Variants in PCDHGB1 observed in about 807,000 individuals in gnomAD.
PCDHGB1 encodes the protein protocadherin gamma subfamily B, 1, also known as protocadherin gamma-B1.
In PCDHGB1, 34 loss-of-function variants were observed where a neutral mutation model predicts 56.6. That is an observed-to-expected ratio of 0.60 (90% CI 0.46 to 0.80). The LOEUF (loss-of-function observed/expected upper bound fraction) is 0.80, where lower values mean the gene tolerates loss of function less well. PCDHGB1 is among the 30% of genes least tolerant of loss of function. The pLI, the probability that PCDHGB1 is intolerant of heterozygous loss-of-function variation, is 0.00. For missense variants in PCDHGB1, 1,278 were observed against 1,204.6 expected, an observed-to-expected ratio of 1.06 and a Z score of -0.90; for synonymous variants, 561 against 505.9, an observed-to-expected ratio of 1.11 and a Z score of -1.46.
intron 1 of PCDHGB1, among the ~76,000 whole-genome samples, chr5:141,368,980 A>G (rs907841049): frequency 4.6e-5 from 7 of 152,190 alleles, no homozygotes; most frequent in Non-Finnish European, 7.3e-5. Context: ...CTTTTCCACT[A>G]TAAGGTGAAT....
Position 141,511,253 on chromosome 5 carries a change from A to G in PCDHGB1, c.*80A>G. The G allele has an allele frequency of 1.3e-6, 2 of 1,568,402 alleles. No homozygotes were observed. The highest frequency in any genetic ancestry group is 1.7e-6 in the Non-Finnish European group (2 of 1,157,066). On this transcript the variant is annotated 3_prime_UTR_variant, in exon 4 of 4. Coordinates refer to ENST00000523390, the MANE Select transcript of PCDHGB1 (RefSeq NM_018922.3). ...CTCCTTACCTGCACCCAGGCCTCAG[A>G]GTTTCAGGGCTAACCCCCAGAATAC...
intron 1 of PCDHGB1, chr5:141,392,356 G>A (rs970397239): frequency 6.6e-6 from 1 of 152,614 alleles, no homozygotes; most frequent in Admixed American, 6.5e-5. Flanking sequence ...TTAATCCGAT[G>A]CTACAATCTG....
At chr5:141,414,949 G>C (rs774769957) in intron 1 of PCDHGB1, 13 of 1,613,978 alleles carry the variant, frequency 8.1e-6, no homozygotes, top group African/African-American at 1.3e-5. Context: ...CGGCTACCTG[G>C]TGACCAAGGT....
intron 1 of PCDHGB1, among the ~76,000 whole-genome samples, chr5:141,458,663 G>A (rs1045303205): frequency 2.6e-5 from 4 of 151,804 alleles, no homozygotes; most frequent in Admixed American, 6.6e-5. Context: ...TCCACCTCTC[G>A]GGTTCAAGCA....
intron 1 of PCDHGB1, among the ~76,000 whole-genome samples, chr5:141,425,841 C>T (rs936781561): frequency 2.0e-5 from 3 of 152,190 alleles, no homozygotes; most frequent in African/African-American, 7.2e-5. Context: ...ATTCTCTTTG[C>T]TGGGTTAATG....
intron 1 of PCDHGB1, chr5:141,395,576 G>A: frequency 4.2e-6 from 1 of 237,360 alleles, no homozygotes; most frequent in Non-Finnish European, 8.1e-6. Flanking sequence ...GTGTGTGTGT[G>A]TGTGTGTGTG....
chr5:141,473,362 C>G (rs2099320242), intron 1 of PCDHGB1, among the ~76,000 whole-genome samples: 1 of 152,166 alleles, frequency 6.6e-6, no homozygotes, highest in South Asian at 2.1e-4. Flanking sequence ...AAGTGGCCAC[C>G]AAAATAGCAT....
At chr5:141,392,249 T>C (rs1474806816) in intron 1 of PCDHGB1, 1 of 152,206 alleles carries the variant, frequency 6.6e-6, no homozygotes, top group Non-Finnish European at 1.5e-5. Context: ...TTTGTTAGTA[T>C]ATATTGGAGA....
intron 1 of PCDHGB1, chr5:141,403,625 A>G (rs2094436092): frequency 6.2e-7 from 1 of 1,613,818 alleles, no homozygotes; most frequent in African/African-American, 1.3e-5. Context: ...TCGCTCCAGC[A>G]CAGTGCGCAT....
intron 1 of PCDHGB1, among the ~76,000 whole-genome samples, chr5:141,353,015 T>C (rs1759163268): frequency 2.6e-5 from 4 of 152,166 alleles, no homozygotes; most frequent in Admixed American, 1.3e-4. Context: ...AATTATATAT[T>C]GCATTTTCTT....
intron 2 of PCDHGB1, among the ~76,000 whole-genome samples, chr5:141,501,212 A>G (rs936235563): frequency 1.9e-4 from 29 of 150,770 alleles, no homozygotes; most frequent in Admixed American, 1.8e-3. Flanking sequence ...TGTCAGGGTG[A>G]CTTCCTAGAT....
chr5:141,489,991 A>G lies in PCDHGB1; in HGVS notation c.2410-4816A>G, dbSNP rs1157441385. On this transcript the variant is annotated intron_variant, in intron 1 of 3. Coordinates refer to ENST00000523390, the MANE Select transcript of PCDHGB1 (RefSeq NM_018922.3). The surrounding 1 kb of genome is among the most constrained non-coding windows in gnomAD (Gnocchi z 4.5). Reference sequence around the variant, plus strand: ...CCAATCCTCAGTTCTACGTGTGGGAATCCCAGAGAATGCACCCATTGGTAC... The same window carrying G: ...CCAATCCTCAGTTCTACGTGTGGGAGTCCCAGAGAATGCACCCATTGGTAC... The G allele has an allele frequency of 6.2e-7, 1 of 1,614,228 alleles. No individual in the cohort carries two copies. Among genetic ancestry groups the G allele is most frequent in the South Asian group, 1.1e-5 (1 of 91,090 alleles).
chr5:141,371,779 C>T (rs1376819850), intron 1 of PCDHGB1: 2 of 1,614,012 alleles, frequency 1.2e-6, no homozygotes, highest in Non-Finnish European at 1.7e-6. Context: ...GTGCATGTAG[C>T]TGAGAACAAT....
intron 1 of PCDHGB1, chr5:141,365,192 A>C: frequency 6.2e-7 from 1 of 1,613,930 alleles, no homozygotes; most frequent in South Asian, 1.1e-5. Context: ...AGAAGAAAAA[A>C]TTTCGGAGAC....
At position 141,408,231 on chromosome 5, in the gene PCDHGB1, G is replaced by C. The variant is rs775180708; in HGVS notation, c.2409+55562G>C. 1.0e-5 allele frequency: 16 copies of C among 1,567,976 alleles called. No individual in the cohort carries two copies. The highest frequency in any genetic ancestry group is 1.2e-5 in the Non-Finnish European group (14 of 1,156,162). ...GGAGGGAGCTGCGCGCAGAGGCGCC[G>C]GGCCGGCCCGCGGCAGGTGCTATTT... is the stretch of plus-strand genomic sequence containing the variant. On this transcript the variant is annotated intron_variant, in intron 1 of 3. Transcript: ENST00000523390.
At chr5:141,470,236 T>C (rs1232874196) in intron 1 of PCDHGB1, among the ~76,000 whole-genome samples, 1 of 152,210 alleles carries the variant, frequency 6.6e-6, no homozygotes, top group African/African-American at 2.4e-5. Context: ...ACCAAACCCT[T>C]GAATGTCCCA....
intron 1 of PCDHGB1, chr5:141,388,664 G>A: frequency 1.2e-6 from 2 of 1,613,908 alleles, no homozygotes; most frequent in South Asian, 2.2e-5. Context: ...CGGGGACCAC[G>A]GTGCTACAGG....
chr5:141,365,422 T>C (rs537066811), intron 1 of PCDHGB1: 4 of 1,614,032 alleles, frequency 2.5e-6, no homozygotes, highest in East Asian at 2.2e-5. Flanking sequence ...TTCCCGGAAC[T>C]GTAATCGCGC....
At chr5:141,425,546 A>G (rs2096882460) in intron 1 of PCDHGB1, among the ~76,000 whole-genome samples, 1 of 152,202 alleles carries the variant, frequency 6.6e-6, no homozygotes, top group African/African-American at 2.4e-5. Flanking sequence ...CTTTTCAGAA[A>G]CCTCTTTTAT....
Sources: gnomAD v4.1 joint callset for allele counts (sites outside exome capture counted in the v4.1 genomes callset) on GRCh38, gnomAD v4.1.1 for gene constraint, Gnocchi (gnomAD v3.1) non-coding constraint, MANE v1.5 for transcripts, NCBI Gene and HGNC (gene_info 2026-07-23, HGNC 2026-07-21) for gene names.